Variants in ADCY9 observed in about 807,000 individuals in gnomAD.
ADCY9 encodes the protein adenylate cyclase 9.
A neutral mutation model predicts 101.5 loss-of-function variants in ADCY9; 50 were observed. The observed-to-expected ratio is 0.49, with a 90% confidence interval of 0.39 to 0.62. The LOEUF (loss-of-function observed/expected upper bound fraction) is 0.62, where lower values mean the gene tolerates loss of function less well. Among genes scored for constraint, ADCY9 ranks in the 20% least tolerant of loss-of-function variants. ADCY9 has a pLI of 0.00. For synonymous variants in ADCY9, 905 were observed against 769.3 expected, an observed-to-expected ratio of 1.18 and a Z score of -2.92; for missense variants, 1,662 against 1,800.4, an observed-to-expected ratio of 0.92 and a Z score of 1.39.
At chr16:3,955,783 C>G (rs2055903282) in intron 5 of ADCY9, among the ~76,000 whole-genome samples, 1 of 151,962 alleles carries the variant, frequency 6.6e-6, no homozygotes, top group Non-Finnish European at 1.5e-5. Context: ...ACTCCTGACC[C>G]TGTGATTCAC....
At chr16:4,050,854 T>G (rs2056696675) in intron 2 of ADCY9, among the ~76,000 whole-genome samples, 1 of 152,128 alleles carries the variant, frequency 6.6e-6, no homozygotes, top group East Asian at 1.9e-4. Context: ...GAACCAGGGC[T>G]TATTGGAGAA....
intron 2 of ADCY9, among the ~76,000 whole-genome samples, chr16:4,029,060 G>A (rs1306679729): frequency 6.6e-6 from 1 of 152,132 alleles, no homozygotes; most frequent in African/African-American, 2.4e-5. Flanking sequence ...TGGGATTACA[G>A]ACGTGAGCCA....
intron 2 of ADCY9, among the ~76,000 whole-genome samples, chr16:4,095,007 A>ATT (rs34980572): frequency 2.3e-4 from 29 of 128,834 alleles, no homozygotes; most frequent in African/African-American, 8.5e-4. Flanking sequence ...ATGACATTTA[A>ATT]TTTTTTTTTT....
chr16:4,039,230 C>T (rs2531960), intron 2 of ADCY9, among the ~76,000 whole-genome samples: 128,302 of 152,072 alleles, frequency 0.84, 54,595 homozygotes, highest in South Asian at 0.97. Flanking sequence ...CCATCTTTGC[C>T]GCTTCCCCAC....
intron 2 of ADCY9, among the ~76,000 whole-genome samples, chr16:4,108,359 C>CCTTTTTTTTTTTTTTTT (rs1491172269): frequency 3.7e-5 from 2 of 53,520 alleles, no homozygotes; most frequent in Admixed American, 2.5e-4. Flanking sequence ...ACCGTTTCTT[C>CCTTTTTTTTTTTTTTTT]ATTTTTTTTT....
chr16:3,969,397 C>T lies in ADCY9; in HGVS notation c.2871-2431G>A, dbSNP rs527793022. Reference sequence around the variant, plus strand: ...GAGTAGTGTGCGCCACCAGGCCCAGCTAATTTTTGTATTTTTTTTTTGGTA... The same window carrying T: ...GAGTAGTGTGCGCCACCAGGCCCAGTTAATTTTTGTATTTTTTTTTTGGTA... On this transcript the variant is annotated intron_variant, in intron 10 of 10. Transcript: ENST00000294016. Among the ~76,000 whole-genome samples, 138 of 149,768 alleles carry T rather than the reference C, an allele frequency of 9.2e-4. 1 individual carries two copies. Among genetic ancestry groups the T allele is most frequent in the African/African-American group, 3.3e-3 (133 of 40,872 alleles).
At chr16:4,075,295 C>T (rs533393826) in intron 2 of ADCY9, among the ~76,000 whole-genome samples, 16 of 152,248 alleles carry the variant, frequency 1.1e-4, no homozygotes, top group African/African-American at 2.4e-4. Context: ...TGTGCCACCA[C>T]GCCCAGATAA....
rs1163372755 is a variant in ADCY9 at position 3,992,010 on chromosome 16, G to A, written c.2207+136C>T. On this transcript the variant is annotated intron_variant, in intron 5 of 10. Transcript: ENST00000294016. This position sits in a 1 kb window ranked among gnomAD's most constrained non-coding sequence, Gnocchi z 4.2. The stretch of plus-strand genomic sequence containing the variant: ...CGTTTGAACCTGGGAGATAGAGGCT[G>A]CAGTGAGCCAAGATCGCGCCACTGC... 5.1e-6 allele frequency: 4 copies of A among 787,204 alleles called. No individual in the cohort carries two copies. The highest frequency in any genetic ancestry group is 8.0e-6 in the Non-Finnish European group (4 of 502,890). The allele number at this position is 787,204 out of a possible 1,614,324, so 48.8% of individuals were successfully genotyped here.
chr16:3,980,108 T>C (rs2056128101), intron 7 of ADCY9, among the ~76,000 whole-genome samples: 1 of 152,246 alleles, frequency 6.6e-6, no homozygotes, highest in Non-Finnish European at 1.5e-5. Flanking sequence ...TGTTCACCTC[T>C]AGCTGGCGGC....
At position 4,104,399 on chromosome 16, in the gene ADCY9, A is replaced by G. The variant is rs574999707; in HGVS notation, c.1693+9351T>C. ...TTAATATAATAGTGTACAAAAAAAG[A>G]TAATAAAATTTCAGATTCCATATTG... On this transcript the variant is annotated intron_variant, in intron 2 of 10. Transcript: ENST00000294016. Among the ~76,000 whole-genome samples the G allele has an allele frequency of 3.3e-5, 5 of 152,348 alleles. 1 individual carries two copies. In the East Asian group the frequency reaches 9.6e-4, roughly 29 times the overall value.
intron 2 of ADCY9, among the ~76,000 whole-genome samples, chr16:4,046,233 C>A (rs543751698): frequency 1.3e-5 from 2 of 152,238 alleles, no homozygotes; most frequent in Non-Finnish European, 2.9e-5. Flanking sequence ...CAGCACAGTG[C>A]CCAGCACTGA....
At chr16:3,977,922 G>A (rs2056106837) in intron 8 of ADCY9, among the ~76,000 whole-genome samples, 1 of 152,088 alleles carries the variant, frequency 6.6e-6, no homozygotes, top group Admixed American at 6.6e-5. Flanking sequence ...TCACCATGTT[G>A]GCCAGGCTGG....
chr16:4,080,230 C>T (rs1395641390), intron 2 of ADCY9, among the ~76,000 whole-genome samples: 2 of 151,958 alleles, frequency 1.3e-5, no homozygotes, highest in East Asian at 3.9e-4. Context: ...AAGAAGTTAA[C>T]AGAGGTAATT....
At chr16:4,064,275 G>C (rs8064151) in intron 2 of ADCY9, among the ~76,000 whole-genome samples, 21,174 of 152,142 alleles carry the variant, frequency 0.14, 1,525 homozygotes, top group Middle Eastern at 0.18. Context: ...CAGGTTCTTG[G>C]ATTGAAGGAC....
chr16:3,993,640 C>T lies in ADCY9; in HGVS notation c.1885-130G>A, dbSNP rs973473464. The T allele has an allele frequency of 1.6e-5, 18 of 1,148,754 alleles. 1 individual carries two copies. The highest frequency in any genetic ancestry group is 1.6e-4 in the South Asian group (11 of 70,566). 71.2% of individuals were successfully genotyped at this position (1,148,754 alleles called of 1,614,324 possible). On this transcript the variant is annotated intron_variant, in intron 3 of 10. Transcript: ENST00000294016. Reference sequence around the variant, plus strand: ...TGAGCAAGGGGAAGGCACACAGAACCGCTCGGGGATGAGCTGAAAGCCAAC... The same window carrying T: ...TGAGCAAGGGGAAGGCACACAGAACTGCTCGGGGATGAGCTGAAAGCCAAC...
At chr16:4,048,474 A>C (rs1293079080) in intron 2 of ADCY9, among the ~76,000 whole-genome samples, 6 of 152,194 alleles carry the variant, frequency 3.9e-5, no homozygotes, top group East Asian at 1.9e-4. Flanking sequence ...ATGGCAAACA[A>C]AATAAAATGG....
chr16:4,011,101 A>T (rs941825767), intron 2 of ADCY9, among the ~76,000 whole-genome samples: 23 of 151,990 alleles, frequency 1.5e-4, no homozygotes, highest in Admixed American at 3.3e-4. Flanking sequence ...CACCCTCCAC[A>T]CGGAGAACTG....
At chr16:4,097,672 G>A (rs954254807) in intron 2 of ADCY9, among the ~76,000 whole-genome samples, 3 of 148,776 alleles carry the variant, frequency 2.0e-5, no homozygotes, top group Non-Finnish European at 3.0e-5. Context: ...TCAGCTTCCC[G>A]AGTAGCTGGG....
intron 2 of ADCY9, among the ~76,000 whole-genome samples, chr16:4,112,857 T>C (rs948432459): frequency 2.6e-5 from 4 of 152,304 alleles, no homozygotes; most frequent in South Asian, 2.1e-4. Context: ...TTAAAATCTT[T>C]CTTTTTCGTC....
Sources: gnomAD v4.1 joint callset for allele counts (sites outside exome capture counted in the v4.1 genomes callset) on GRCh38, gnomAD v4.1.1 for gene constraint, Gnocchi (gnomAD v3.1) non-coding constraint, MANE v1.5 for transcripts, NCBI Gene and HGNC (gene_info 2026-07-23, HGNC 2026-07-21) for gene names.